Variants in TOPORS observed in about 807,000 individuals in gnomAD.
TOPORS encodes the protein E3 ubiquitin-protein ligase Topors.
In TOPORS, 25 loss-of-function variants were observed where a neutral mutation model predicts 81.4. The ratio of observed to expected loss-of-function variants is 0.31; its 90% CI spans 0.22 to 0.43. TOPORS has a LOEUF of 0.43. Ranked by LOEUF, TOPORS falls within the 20% of genes least tolerant of loss-of-function variation. The pLI is 1.00. For synonymous variants in TOPORS, 473 were observed against 456.6 expected, an observed-to-expected ratio of 1.04 and a Z score of -0.46; for missense variants, 1,101 against 1,267.0, an observed-to-expected ratio of 0.87 and a Z score of 1.99.
At position 32,543,995 on chromosome 9, in the gene TOPORS, C is replaced by T. The variant is rs748479572; in HGVS notation, c.530G>A (p.Arg177Gln). 5.0e-6 allele frequency: 8 copies of T among 1,613,976 alleles called. No homozygotes were observed. The highest frequency in any genetic ancestry group is 2.2e-5 in the South Asian group (2 of 91,078). Residue 177 changes from arginine to glutamine, a missense_variant, in exon 3 of 3, where the codon CGA becomes CAA. By Grantham distance (43) the Arg-to-Gln change is conservative (BLOSUM62 1). Transcript: ENST00000360538. This position sits in a 1 kb window ranked among gnomAD's most constrained non-coding sequence, Gnocchi z 5.6. ...YNGSFVTPDR[R>Q]FRYRTTLTRE... ...TGTCAGAGTTGTACGGTAGCGAAATCGTCGATCAGGGGTGACAAAAGAACC... is the reference window on the plus strand; with the variant it reads ...TGTCAGAGTTGTACGGTAGCGAAATTGTCGATCAGGGGTGACAAAAGAACC...
Position 32,541,294 on chromosome 9 carries a change from C to T in TOPORS, c.*93G>A. ...ATTGTAAGGAGGAAGAGAGTTTTCA[C>T]CAAATGTCATCTTTAAATAGACTGC... On this transcript the variant is annotated 3_prime_UTR_variant, in exon 3 of 3. Transcript: ENST00000360538. 7.8e-7 allele frequency: 1 copy of T among 1,276,808 alleles called. No homozygotes were observed. Among genetic ancestry groups the T allele is most frequent in the Non-Finnish European group, 1.1e-6 (1 of 902,454 alleles). 79.1% of individuals were successfully genotyped at this position (1,276,808 alleles called of 1,614,324 possible). A position where few individuals can be genotyped will look rare whatever the true frequency, so the allele number is the denominator to read the frequency against.
At chr9:32,551,704 C>T in intron 1 of TOPORS, 1 of 370,324 alleles carries the variant, frequency 2.7e-6, no homozygotes, top group South Asian at 1.9e-5. Flanking sequence ...GTACGCTCGC[C>T]CACCAAACTG....
In TOPORS at chr9:32,542,384, T is replaced by C. The variant is rs766288006; in HGVS notation, c.2141A>G (p.Asp714Gly). The C allele has an allele frequency of 5.0e-6, 8 of 1,613,944 alleles. No individual in the cohort carries two copies. In the East Asian group the frequency reaches 1.8e-4, roughly 36 times the overall value. ...CCTCCTGTAAGATGATTCGTACCCA[T>C]CCCTGTCCTTGTTTCTACTGTAATA... ...YTYYSRNKDR[D>G]GYESSYRRRT... Residue 714 changes from aspartate (D) to glycine (G), a missense_variant, in exon 3 of 3, where the codon GAT becomes GGT. Coordinates refer to ENST00000360538, the MANE Select transcript of TOPORS (RefSeq NM_005802.5).
intron 1 of TOPORS, chr9:32,551,559 C>T: frequency 4.0e-6 from 1 of 252,330 alleles, no homozygotes; most frequent in Non-Finnish European, 8.4e-6. Context: ...CTTCCCACTC[C>T]CTGAAATCTA....
chr9:32,550,704 C>A lies in TOPORS; in HGVS notation c.198+70G>T, dbSNP rs12553445. ...GCAACCCTCGGGTCCCGAGGCGCCG[C>A]TCCAGGCGGGAGCGCCAACTCCCAC... is the stretch of plus-strand genomic sequence containing the variant. On this transcript the variant is annotated intron_variant, in intron 2 of 2. Coordinates refer to ENST00000360538, the MANE Select transcript of TOPORS (RefSeq NM_005802.5). The A allele has an allele frequency of 0.011, 17,881 of 1,584,294 alleles. 765 individuals carry two copies. The East Asian group carries it at 0.12, about 10-fold the overall frequency.
Position 32,541,866 on chromosome 9 carries a change from T to G in TOPORS, c.2659A>C (p.Lys887Gln), listed in dbSNP as rs1302574161. ...DTTKHHKKKK[K>Q]KHKKKHKKHH... ...TTCTTATGCTTCTTCTTATGTTTCT[T>G]CTTTTTCTTTTTATGGTGTTTAGTT... The change falls in exon 3 of 3, where the codon AAG becomes CAG. Residue 887 changes from lysine to glutamine, a missense_variant. Lys to Gln is a moderately conservative substitution (Grantham distance 53). This residue lies in a region of TOPORS where 605 missense variants were observed against 636.1 expected (regional missense o/e 0.95). Transcript: ENST00000360538. 6.2e-7 allele frequency: 1 copy of G among 1,614,166 alleles called. No homozygotes were observed. The highest frequency in any genetic ancestry group is 1.1e-5 in the South Asian group (1 of 91,084).
At position 32,543,906 on chromosome 9, in the gene TOPORS, G is replaced by T. The variant is rs1821108060; in HGVS notation, c.619C>A (p.Pro207Thr). The T allele has an allele frequency of 6.2e-7, 1 of 1,613,974 alleles. No individual in the cohort carries two copies. Among genetic ancestry groups the T allele is most frequent in the Non-Finnish European group, 8.5e-7 (1 of 1,180,004 alleles). ...CCTTCAAACAGTACTCCACTATCCG[G>T]TGGAGTTGTTGTTCTTCTGTTCACA... ...GPVNRRTTTP[P>T]DSGVLFEGLG... is the part of the protein sequence containing the mutation. The change falls in exon 3 of 3, where the codon CCG becomes ACG. Residue 207 changes from proline to threonine, a missense_variant. Coordinates refer to ENST00000360538, the MANE Select transcript of TOPORS (RefSeq NM_005802.5). This position sits in a 1 kb window ranked among gnomAD's most constrained non-coding sequence, Gnocchi z 5.6.
chr9:32,552,305 C>G (rs1353136412), intron 1 of TOPORS, 129 bp downstream of exon 1: 2 of 1,366,750 alleles, frequency 1.5e-6, no homozygotes, highest in Non-Finnish European at 1.0e-6. Flanking sequence ...CAGCGCTGCA[C>G]GAAGCGAGTG....
At position 32,550,967 on chromosome 9, in the gene TOPORS, C is replaced by T. The variant is rs1250676232; in HGVS notation, c.5G>A (p.Gly2Glu). ...CGGAGACCCCAGCGGCGGCTGCGAC[C>T]CCTGTGACGCAAAGGGCTCATCACC... is the stretch of plus-strand genomic sequence containing the variant. M[G>E]SQPPLGSPLS... Residue 2 changes from glycine (G) to glutamate (E), a missense_variant and splice_region_variant, in exon 2 of 3, where the codon GGG (glycine) becomes GAG (glutamate). Gly to Glu is a moderately conservative substitution (Grantham distance 98, BLOSUM62 -2). Coordinates refer to ENST00000360538, the MANE Select transcript of TOPORS (RefSeq NM_005802.5). The T allele has an allele frequency of 2.5e-6, 4 of 1,610,154 alleles. No homozygotes were observed. The highest frequency in any genetic ancestry group is 3.4e-4 in the Middle Eastern group (2 of 5,968).
intron 1 of TOPORS, 63 bp from the exon 2 acceptor site, chr9:32,551,031 C>A (rs1821240075): frequency 1.9e-6 from 3 of 1,557,340 alleles, no homozygotes; most frequent in Non-Finnish European, 2.6e-6. Flanking sequence ...CGAGACCCAC[C>A]CCCCAGCTCC....
chr9:32,550,303 T>C (rs1271501475), intron 2 of TOPORS, among the ~76,000 whole-genome samples: 1 of 152,108 alleles, frequency 6.6e-6, no homozygotes, highest in Non-Finnish European at 1.5e-5. Flanking sequence ...AAGTCCCAAC[T>C]CCCAAAGCCA....
rs983382624 is a variant in TOPORS, at chr9:32,543,783, G to A, written c.742C>T (p.Arg248Trp). 6 of 1,611,256 alleles carry A rather than the reference G, an allele frequency of 3.7e-6. No individual in the cohort carries two copies. The highest frequency in any genetic ancestry group is 1.1e-5 in the South Asian group (1 of 90,628). ...ATAATATCTTGTTCTTGAATTTTCC[G>A]CAAAGATCTTTCATCTGCCGTAGTT... The part of the protein sequence containing the change: ...RPTTADERSL[R>W]KIQEQDIINF... Residue 248 changes from arginine to tryptophan, a missense_variant, in exon 3 of 3, where the codon CGG becomes TGG. Arg to Trp is a moderately radical substitution (Grantham distance 101, BLOSUM62 -3). This residue lies in a region of TOPORS where 120 missense variants were observed against 115.4 expected (regional missense o/e 1.04). Coordinates refer to ENST00000360538, the MANE Select transcript of TOPORS (RefSeq NM_005802.5). This position sits in a 1 kb window ranked among gnomAD's most constrained non-coding sequence, Gnocchi z 5.6.
chr9:32,541,566 G>A lies in TOPORS; in HGVS notation c.2959C>T (p.Pro987Ser), dbSNP rs1821059145. 6.2e-7 allele frequency: 1 copy of A among 1,614,198 alleles called. No individual in the cohort carries two copies. Among genetic ancestry groups the A allele is most frequent in the Non-Finnish European group, 8.5e-7 (1 of 1,180,032 alleles). Residue 987 changes from proline (P) to serine (S), a missense_variant, in exon 3 of 3, where the codon CCT becomes TCT. Physicochemically the swap from Pro to Ser is moderately conservative, Grantham distance 74. Coordinates refer to ENST00000360538, the MANE Select transcript of TOPORS (RefSeq NM_005802.5). ...GTTTGTTCAACTGAAGCTGCCAGAG[G>A]TGGAATATTATCTACAGTTTTGTTG... ...NANKTVDNIP[P>S]LAASVEQTLD...
intron 2 of TOPORS, among the ~76,000 whole-genome samples, chr9:32,548,921 G>A (rs138460374): frequency 1.8e-3 from 276 of 152,258 alleles, no homozygotes; most frequent in Middle Eastern, 6.8e-3. Context: ...CAGGAAGCTC[G>A]AATCTACATT....
rs955788779 is a variant in TOPORS, at chr9:32,548,654, G to A, written c.198+2120C>T. Among the ~76,000 whole-genome samples the A allele has an allele frequency of 5.9e-5, 9 of 152,162 alleles. 1 individual carries two copies. Among genetic ancestry groups the A allele is most frequent in the South Asian group, 4.1e-4 (2 of 4,828 alleles). On this transcript the variant is annotated intron_variant, in intron 2 of 2. Transcript: ENST00000360538. ...GTTCTGTAAGAAGCCTGTGTTACGG[G>A]TTTTCCATCCTAGCACTCTAGGAAT...
chr9:32,540,926 T>C lies in TOPORS; in HGVS notation c.*461A>G, dbSNP rs1821046341. On this transcript the variant is annotated 3_prime_UTR_variant, in exon 3 of 3. Coordinates refer to ENST00000360538, the MANE Select transcript of TOPORS (RefSeq NM_005802.5). ...CAGATTAAAATGCCTCAATTTAACC[T>C]GAAGAAATGGTTTTGAATCATATAA... 6.5e-6 allele frequency: 1 copy of C among 154,092 alleles called. No individual in the cohort carries two copies. The allele number at this position is 154,092 out of a possible 1,614,324, so 9.5% of individuals were successfully genotyped here.
Position 32,552,503 on chromosome 9 carries a change from C to T in TOPORS, c.-67G>A. 1 of 1,570,996 alleles carries T rather than the reference C, an allele frequency of 6.4e-7. No individual in the cohort carries two copies. ...TGGTAAGTCCCGGGGATCGCGGGCC[C>T]CCACCGTGTCGACTCACTGGGCCCG... On this transcript the variant is annotated 5_prime_UTR_variant, in exon 1 of 3. Transcript: ENST00000360538.
At chr9:32,544,417 T>C in intron 2 of TOPORS, 91 bp from the exon 3 acceptor site, 1 of 1,330,782 alleles carries the variant, frequency 7.5e-7, no homozygotes, top group Non-Finnish European at 1.0e-6. Flanking sequence ...CCTTGAAACT[T>C]ATTTTGGTGA....
chr9:32,550,675 G>T, intron 2 of TOPORS, 99 bp downstream of exon 2: 1 of 1,432,290 alleles, frequency 7.0e-7, no homozygotes, highest in Non-Finnish European at 9.7e-7. Context: ...CGCAGGCCAT[G>T]ACCGCAACCC....
Sources: gnomAD v4.1 joint callset for allele counts (sites outside exome capture counted in the v4.1 genomes callset) on GRCh38, gnomAD v4.1.1 for gene constraint, gnomAD v4.1.1 regional missense constraint, Gnocchi (gnomAD v3.1) non-coding constraint, MANE v1.5 for transcripts, NCBI Gene and HGNC (gene_info 2026-07-23, HGNC 2026-07-21) for gene names.